Variants in CACNA2D3 observed in about 807,000 individuals in gnomAD.
CACNA2D3 encodes the protein calcium voltage-gated channel auxiliary subunit alpha2delta 3, also known as voltage-dependent calcium channel subunit alpha-2/delta-3.
Under a neutral mutation model 160.6 loss-of-function variants are expected in CACNA2D3, and 60 were observed. That is an observed-to-expected ratio of 0.37 (90% CI 0.30 to 0.46). The LOEUF (loss-of-function observed/expected upper bound fraction) is 0.46. CACNA2D3 is among the 20% of genes least tolerant of loss of function. CACNA2D3 has a pLI of 1.00. For missense variants in CACNA2D3, 1,205 were observed against 1,365.0 expected (o/e 0.88, Z 1.85); for synonymous variants, 558 against 492.9 (o/e 1.13, Z -1.75).
intron 5 of CACNA2D3, among the ~76,000 whole-genome samples, chr3:54,543,415 A>T (rs955703917): frequency 1.3e-5 from 2 of 152,204 alleles, no homozygotes; most frequent in Non-Finnish European, 2.9e-5. Flanking sequence ...TTAACAGCGG[A>T]TATTTTTGTT....
chr3:54,466,722 A>G (rs1326611692), intron 4 of CACNA2D3, among the ~76,000 whole-genome samples: 1 of 152,206 alleles, frequency 6.6e-6, no homozygotes, highest in Non-Finnish European at 1.5e-5. Flanking sequence ...TCTCATTATA[A>G]TGTTGTGATT....
intron 11 of CACNA2D3, among the ~76,000 whole-genome samples, chr3:54,669,360 T>C (rs1373145107): frequency 6.6e-6 from 1 of 152,248 alleles, no homozygotes; most frequent in Non-Finnish European, 1.5e-5. Flanking sequence ...AAAGATGATC[T>C]CTTTTCATGA....
At chr3:54,397,463 A>T in intron 4 of CACNA2D3, among the ~76,000 whole-genome samples, 1 of 96,974 alleles carries the variant, frequency 1.0e-5, no homozygotes, top group East Asian at 3.5e-4. Context: ...TAGTGCTATA[A>T]ATTTCCCTCT....
chr3:54,405,116 ATACTG>A (rs1260606831), intron 4 of CACNA2D3, among the ~76,000 whole-genome samples: 3 of 108,184 alleles, frequency 2.8e-5, no homozygotes. Context: ...ATACTATACT[ATACTG>A]TACTGTACTA....
chr3:55,064,069 G>C (rs1704577349), intron 35 of CACNA2D3, among the ~76,000 whole-genome samples: 1 of 152,200 alleles, frequency 6.6e-6, no homozygotes. Flanking sequence ...TTGGCCCAGT[G>C]CTTAAGGAGC....
At chr3:54,749,602 C>T (rs1193908449) in intron 11 of CACNA2D3, among the ~76,000 whole-genome samples, 1 of 152,144 alleles carries the variant, frequency 6.6e-6, no homozygotes, top group African/African-American at 2.4e-5. Flanking sequence ...TTAAATTTCT[C>T]TCCAAAATAT....
intron 13 of CACNA2D3, among the ~76,000 whole-genome samples, chr3:54,796,233 A>G (rs892983642): frequency 6.6e-6 from 1 of 152,062 alleles, no homozygotes; most frequent in Non-Finnish European, 1.5e-5. Context: ...TGATTATACT[A>G]TCAGATCAAA....
At chr3:54,830,643 C>T (rs144633840) in intron 14 of CACNA2D3, among the ~76,000 whole-genome samples, 1,794 of 152,048 alleles carry the variant, frequency 0.012, 33 homozygotes, top group African/African-American at 0.038. Context: ...TTAGTGCAGA[C>T]GGGTTTTCGC....
intron 27 of CACNA2D3, among the ~76,000 whole-genome samples, chr3:54,944,743 A>C (rs973228561): frequency 6.6e-6 from 1 of 152,060 alleles, no homozygotes; most frequent in African/African-American, 2.4e-5. Flanking sequence ...TTTTTATAGC[A>C]GCCTTTTCTT....
At chr3:54,488,515 A>G (rs1268756621) in intron 4 of CACNA2D3, among the ~76,000 whole-genome samples, 1 of 151,562 alleles carries the variant, frequency 6.6e-6, no homozygotes, top group African/African-American at 2.4e-5. Flanking sequence ...AGGCCCTTGG[A>G]CTCTACACAG....
intron 2 of CACNA2D3, among the ~76,000 whole-genome samples, chr3:54,248,694 C>T (rs1189153565): frequency 1.3e-5 from 2 of 152,160 alleles, no homozygotes; most frequent in Non-Finnish European, 2.9e-5. Flanking sequence ...TTGGACTTCT[C>T]AGTCTCCAGA....
Position 54,627,684 on chromosome 3 carries a change from C to G in CACNA2D3, c.964-103C>G, listed in dbSNP as rs1699152747. ...AAAAGTAAATTATGACCGGTTGGAT[C>G]TGACAATCATTGGTCTTGCCATGGC... On this transcript the variant is annotated intron_variant, in intron 9 of 37. Coordinates refer to ENST00000474759, the MANE Select transcript of CACNA2D3 (RefSeq NM_018398.3). 4.1e-6 allele frequency: 3 copies of G among 734,946 alleles called. No homozygotes were observed. In the Admixed American group the frequency reaches 6.1e-5, roughly 15 times the overall value. 45.5% of individuals were successfully genotyped at this position (734,946 alleles called of 1,614,324 possible).
chr3:54,630,633 T>A (rs1699215070), intron 10 of CACNA2D3, among the ~76,000 whole-genome samples: 1 of 152,172 alleles, frequency 6.6e-6, no homozygotes. Context: ...ATTAGCATCT[T>A]GTAGAAGTTA....
chr3:55,063,488 A>T (rs1704562943), intron 35 of CACNA2D3, among the ~76,000 whole-genome samples: 1 of 152,166 alleles, frequency 6.6e-6, no homozygotes, highest in South Asian at 2.1e-4. Flanking sequence ...AAAATGAAAC[A>T]AAACAAAATG....
intron 2 of CACNA2D3, among the ~76,000 whole-genome samples, chr3:54,159,268 G>C (rs1455628486): frequency 6.6e-6 from 1 of 151,980 alleles, no homozygotes; most frequent in African/African-American, 2.4e-5. Context: ...ATATTAACGT[G>C]GTCATTTTTT....
intron 4 of CACNA2D3, among the ~76,000 whole-genome samples, chr3:54,392,792 GA>G (rs1352254140): frequency 6.6e-6 from 1 of 152,156 alleles, no homozygotes; most frequent in Non-Finnish European, 1.5e-5. Flanking sequence ...TGTGTTGAAG[GA>G]AACCCAGGAA....
At chr3:54,317,737 C>T (rs1015622578) in intron 2 of CACNA2D3, among the ~76,000 whole-genome samples, 21 of 152,160 alleles carry the variant, frequency 1.4e-4, no homozygotes, top group Non-Finnish European at 2.5e-4. Flanking sequence ...TGGGGTTTCA[C>T]CATGTTGGCC....
intron 27 of CACNA2D3, among the ~76,000 whole-genome samples, chr3:54,952,378 CA>C (rs1308127029): frequency 6.6e-6 from 1 of 152,134 alleles, no homozygotes; most frequent in Non-Finnish European, 1.5e-5. Flanking sequence ...AGGCCGCAAA[CA>C]TGAAGGGTCT....
At chr3:54,249,994 G>A (rs1575344107) in intron 2 of CACNA2D3, among the ~76,000 whole-genome samples, 1 of 152,096 alleles carries the variant, frequency 6.6e-6, no homozygotes, top group African/African-American at 2.4e-5. Flanking sequence ...TCATTTGGTA[G>A]GGTTCCCCAG....
Sources: gnomAD v4.1 joint callset for allele counts (sites outside exome capture counted in the v4.1 genomes callset) on GRCh38, gnomAD v4.1.1 for gene constraint, MANE v1.5 for transcripts, NCBI Gene and HGNC (gene_info 2026-07-23, HGNC 2026-07-21) for gene names.